NAV3: variants seen among roughly 807,000 people sequenced by gnomAD.
The protein encoded by NAV3 is neuron navigator 3, also known as pore membrane and/or filament interacting like protein 1.
A neutral mutation model predicts 244.7 loss-of-function variants in NAV3; 87 were observed. That is an observed-to-expected ratio of 0.36 (90% confidence interval 0.30 to 0.42). NAV3 has a LOEUF of 0.42. Ranked by LOEUF, NAV3 falls within the 20% of genes least tolerant of loss-of-function variation. The pLI, the probability that NAV3 is intolerant of heterozygous loss-of-function variation, is 1.00. For synonymous variants in NAV3, 1,126 were observed against 1,042.2 expected, an observed-to-expected ratio of 1.08 and a Z score of -1.55; for missense variants, 2,663 against 2,893.3, an observed-to-expected ratio of 0.92 and a Z score of 1.83.
intron 2 of NAV3, among the ~76,000 whole-genome samples, chr12:77,635,580 A>G (rs2136933715): frequency 6.6e-6 from 1 of 152,352 alleles, no homozygotes; most frequent in African/African-American, 2.4e-5. Flanking sequence ...AGTCTTCATA[A>G]CAATGAGCTT....
intron 3 of NAV3, among the ~76,000 whole-genome samples, chr12:77,953,246 T>G (rs1479016): frequency 0.01 from 1,531 of 152,280 alleles, 32 homozygotes; most frequent in African/African-American, 0.035. Context: ...CCTCGGGAAC[T>G]TTCCATATCT....
At chr12:77,703,756 T>A (rs748283284) in intron 2 of NAV3, among the ~76,000 whole-genome samples, 2 of 152,148 alleles carry the variant, frequency 1.3e-5, no homozygotes, top group African/African-American at 2.4e-5. Flanking sequence ...CAAAATTAAA[T>A]TCTGTGAGAA....
At chr12:77,831,810 G>A (rs1873756822) in intron 1 of NAV3, 106 bp downstream of exon 1, 2 of 1,256,264 alleles carry the variant, frequency 1.6e-6, no homozygotes, top group South Asian at 3.1e-5. Context: ...AGGAATACCA[G>A]TGTAAGGATG....
intron 20 of NAV3, among the ~76,000 whole-genome samples, chr12:78,141,630 G>A (rs2694671): frequency 0.37 from 55,527 of 151,974 alleles, 10,672 homozygotes; most frequent in African/African-American, 0.46. Context: ...TATTGGCAGA[G>A]GTAATATTTT....
At chr12:77,869,427 A>T (rs2082188512) in intron 1 of NAV3, among the ~76,000 whole-genome samples, 1 of 152,224 alleles carries the variant, frequency 6.6e-6, no homozygotes, top group South Asian at 2.1e-4. Flanking sequence ...CTTATTGCCC[A>T]CTATAATTGC....
At chr12:77,900,111 C>A (rs1028842113) in intron 1 of NAV3, among the ~76,000 whole-genome samples, 2 of 145,350 alleles carry the variant, frequency 1.4e-5, no homozygotes, top group African/African-American at 2.6e-5. Flanking sequence ...GAGTCTCACT[C>A]TTTCGCCCAG....
intron 24 of NAV3, among the ~76,000 whole-genome samples, chr12:78,170,507 T>C (rs988082940): frequency 5.3e-5 from 8 of 151,752 alleles, no homozygotes; most frequent in Admixed American, 4.0e-4. Context: ...GAAGCCAGAA[T>C]AGTCATTAAG....
intron 2 of NAV3, among the ~76,000 whole-genome samples, chr12:77,725,955 T>G (rs1343140823): frequency 6.6e-6 from 1 of 151,966 alleles, no homozygotes; most frequent in Non-Finnish European, 1.5e-5. Context: ...GCTGCATCAC[T>G]CTGAATCTGA....
Position 78,144,710 on chromosome 12 carries a change from A to T in NAV3, c.4684-1659A>T, listed in dbSNP as rs1173635296. On this transcript the variant is annotated intron_variant, in intron 20 of 39. Transcript: ENST00000397909. The stretch of plus-strand genomic sequence containing the variant: ...TGAGTATATTTCTTGATTATTTTTT[A>T]AAAGAATAAATTATTATTTAAAAAT... Among the ~76,000 whole-genome samples, 3 of 151,852 alleles carry T rather than the reference A, an allele frequency of 2.0e-5. No individual in the cohort carries two copies. In the East Asian group the frequency reaches 5.8e-4, roughly 29 times the overall value.
intron 1 of NAV3, among the ~76,000 whole-genome samples, chr12:77,917,389 A>C (rs1352299108): frequency 6.6e-6 from 1 of 152,010 alleles, no homozygotes; most frequent in East Asian, 1.9e-4. Flanking sequence ...ACTATTGATA[A>C]CCTTTTCAGA....
At chr12:77,957,421 T>C (rs973763664) in intron 3 of NAV3, among the ~76,000 whole-genome samples, 18 of 152,198 alleles carry the variant, frequency 1.2e-4, no homozygotes, top group African/African-American at 3.9e-4. Context: ...AGTACCAAAC[T>C]GTAATGTTCA....
intron 18 of NAV3, 94 bp downstream of exon 18, chr12:78,128,960 A>C: frequency 8.3e-7 from 1 of 1,202,022 alleles, no homozygotes; most frequent in Non-Finnish European, 1.2e-6. Context: ...ACACGTTTTC[A>C]TTTAAAGGGA....
chr12:77,688,182 TA>T lies in NAV3; in HGVS notation c.72+115925del, dbSNP rs550174028. Among the ~76,000 whole-genome samples the T allele has an allele frequency of 8.4e-3, 1,272 of 151,494 alleles. 21 individuals are homozygous for T. The highest frequency in any genetic ancestry group is 0.029 in the African/African-American group (1,190 of 41,348). ...CCCATTAATATTAGTACCGAAAAGT[TA>T]AAAAAAAATTTAAAATTTGTATCAT... is the stretch of plus-strand genomic sequence containing the variant. On this transcript the variant is annotated intron_variant, in intron 2 of 8. Coordinates refer to the NAV3 transcript ENST00000550042.
intron 19 of NAV3, among the ~76,000 whole-genome samples, chr12:78,137,838 A>G (rs533928197): frequency 1.3e-5 from 2 of 152,136 alleles, no homozygotes; most frequent in East Asian, 3.9e-4. Flanking sequence ...TTTTTGCTTT[A>G]TAAGTCACTA....
At chr12:77,657,907 AC>A (rs1447628754) in intron 2 of NAV3, among the ~76,000 whole-genome samples, 11 of 152,002 alleles carry the variant, frequency 7.2e-5, no homozygotes, top group Non-Finnish European at 1.2e-4. Flanking sequence ...AAATTCAACA[AC>A]CCTTCATGCT....
At chr12:78,032,297 G>C (rs1391523953) in intron 9 of NAV3, among the ~76,000 whole-genome samples, 1 of 152,140 alleles carries the variant, frequency 6.6e-6, no homozygotes, top group African/African-American at 2.4e-5. Flanking sequence ...GAGCTTAGCT[G>C]TTTAAATTTT....
At chr12:77,676,052 GC>G (rs1874189771) in intron 2 of NAV3, among the ~76,000 whole-genome samples, 1 of 152,128 alleles carries the variant, frequency 6.6e-6, no homozygotes, top group South Asian at 2.1e-4. Context: ...CACATGGGAA[GC>G]AAGCAGCTTT....
At chr12:78,066,854 T>A (rs904189391) in intron 12 of NAV3, among the ~76,000 whole-genome samples, 1 of 152,078 alleles carries the variant, frequency 6.6e-6, no homozygotes, top group Non-Finnish European at 1.5e-5. Context: ...GACTCTGAGG[T>A]TGCCATTGTA....
intron 3 of NAV3, among the ~76,000 whole-genome samples, chr12:77,956,758 T>C (rs1372345407): frequency 7.1e-6 from 1 of 141,092 alleles, no homozygotes; most frequent in African/African-American, 2.6e-5. Flanking sequence ...ATTTATTTAT[T>C]TGAGACAGAG....
Sources: allele counts gnomAD v4.1 joint callset (sites outside exome capture counted in the v4.1 genomes callset), GRCh38; gene constraint gnomAD v4.1.1; transcripts MANE v1.5; gene names NCBI Gene and HGNC (gene_info 2026-07-23, HGNC 2026-07-21).